Variants in KIAA0319 observed in about 807,000 individuals in gnomAD.
The protein encoded by KIAA0319 is dyslexia-associated protein KIAA0319.
KIAA0319 carries 83 observed loss-of-function variants against 108.4 expected under a neutral mutation model. That is an observed-to-expected ratio of 0.77 (90% CI 0.64 to 0.92). KIAA0319 has a LOEUF of 0.92. Ranked by LOEUF, KIAA0319 falls within the 40% of genes least tolerant of loss-of-function variation. KIAA0319 has a pLI of 0.00. For synonymous variants in KIAA0319, 484 were observed against 510.4 expected (o/e 0.95, Z 0.70); for missense variants, 1,195 against 1,322.4 (o/e 0.90, Z 1.49).
intron 10 of KIAA0319, among the ~76,000 whole-genome samples, 181 bp from the exon 11 acceptor site, chr6:24,572,879 G>A (rs557218987): frequency 6.6e-6 from 1 of 152,306 alleles, no homozygotes; most frequent in South Asian, 2.1e-4. Context: ...ACTTTAGGAG[G>A]CCAAGGCAGG....
At chr6:24,633,047 C>T (rs920680533) in intron 1 of KIAA0319, among the ~76,000 whole-genome samples, 34 of 152,136 alleles carry the variant, frequency 2.2e-4, no homozygotes, top group African/African-American at 8.0e-4. Flanking sequence ...TATTCCAAAC[C>T]CTCCTTTTTC....
chr6:24,602,020 C>CTTT (rs1216820751), intron 1 of KIAA0319, among the ~76,000 whole-genome samples: 1 of 142,294 alleles, frequency 7.0e-6, no homozygotes, highest in African/African-American at 2.6e-5. Flanking sequence ...TACTGTATTT[C>CTTT]TTTTTTTTTT....
At chr6:24,595,208 T>A (rs1238449942) in intron 3 of KIAA0319, among the ~76,000 whole-genome samples, 1 of 152,146 alleles carries the variant, frequency 6.6e-6, no homozygotes, top group Non-Finnish European at 1.5e-5. Context: ...CCTGGGTGTA[T>A]GTGCTGGCCC....
At chr6:24,551,946 G>GA (rs1375994631) in intron 19 of KIAA0319, among the ~76,000 whole-genome samples, 6 of 151,380 alleles carry the variant, frequency 4.0e-5, no homozygotes, top group Non-Finnish European at 8.8e-5. Flanking sequence ...CTAGCAATCA[G>GA]AAAAAAATAG....
At position 24,596,627 on chromosome 6, in the gene KIAA0319, A is replaced by G. The variant is rs762855800; in HGVS notation, c.56-9T>C. ...CTGCTTACGGGCACAACCTTTAAAC[A>G]AAGTAGTTTCTAATGAGGGAGAGAG... On this transcript the variant is annotated splice_polypyrimidine_tract_variant and intron_variant, in intron 2 of 20. Coordinates refer to ENST00000378214, the MANE Select transcript of KIAA0319 (RefSeq NM_014809.4). 11 of 1,584,186 alleles carry G rather than the reference A, an allele frequency of 6.9e-6. No individual in the cohort carries two copies. Among genetic ancestry groups the G allele is most frequent in the Non-Finnish European group, 9.5e-6 (11 of 1,161,346 alleles).
intron 1 of KIAA0319, among the ~76,000 whole-genome samples, chr6:24,638,203 C>G (rs1330695762): frequency 6.6e-6 from 1 of 151,918 alleles, no homozygotes; most frequent in Admixed American, 6.5e-5. Context: ...GGAGAGGAGA[C>G]AAAAATCATA....
In KIAA0319 at chr6:24,553,270, GATAGATAT is replaced by G. The variant is rs1235321311; in HGVS notation, c.2948+1263_2948+1270del. Among the ~76,000 whole-genome samples, 23 of 106,012 alleles carry G rather than the reference GATAGATAT, an allele frequency of 2.2e-4. 1 individual carries two copies. Among genetic ancestry groups the G allele is most frequent in the African/African-American group, 9.4e-4 (20 of 21,374 alleles). 69.5% of individuals were successfully genotyped at this position (106,012 alleles called of 152,430 possible). A position where few individuals can be genotyped will look rare whatever the true frequency, so the allele number is the denominator to read the frequency against. On this transcript the variant is annotated intron_variant, in intron 19 of 20. Coordinates refer to ENST00000378214, the MANE Select transcript of KIAA0319 (RefSeq NM_014809.4). ...TGTAAGGCCACTTAGGTACTTGTGA[GATAGATAT>G]ATATATATATATATATACACACACA...
At position 24,617,708 on chromosome 6, in the gene KIAA0319, G is replaced by A. The variant is rs558662862; in HGVS notation, c.-105-16500C>T. ...AACCCTAAAGAAGTAGAACCTTGGC[G>A]GGGCGTGGTGGCTCATGCCTATAAT... On this transcript the variant is annotated intron_variant, in intron 1 of 20. Coordinates refer to ENST00000378214, the MANE Select transcript of KIAA0319 (RefSeq NM_014809.4). Among the ~76,000 whole-genome samples, 8 of 152,186 alleles carry A rather than the reference G, an allele frequency of 5.3e-5. No homozygotes were observed. In the East Asian group the frequency reaches 7.7e-4, roughly 15 times the overall value.
chr6:24,576,951 A>G (rs1322268232), intron 9 of KIAA0319, among the ~76,000 whole-genome samples: 1 of 152,106 alleles, frequency 6.6e-6, no homozygotes, highest in Non-Finnish European at 1.5e-5. Flanking sequence ...AAAAAGAAAA[A>G]AAGTAGACAA....
At chr6:24,585,846 T>C (rs1767399459) in intron 4 of KIAA0319, among the ~76,000 whole-genome samples, 1 of 152,106 alleles carries the variant, frequency 6.6e-6, no homozygotes, top group Admixed American at 6.5e-5. Flanking sequence ...CCCAGTACTT[T>C]GGGAGGCTGA....
intron 19 of KIAA0319, among the ~76,000 whole-genome samples, chr6:24,551,943 T>A (rs1761572851): frequency 1.3e-5 from 2 of 151,688 alleles, no homozygotes; most frequent in East Asian, 3.9e-4. Context: ...GAACTAGCAA[T>A]CAGAAAAAAA....
At chr6:24,629,347 C>G (rs528348043) in intron 1 of KIAA0319, among the ~76,000 whole-genome samples, 2 of 151,898 alleles carry the variant, frequency 1.3e-5, no homozygotes, top group Admixed American at 6.5e-5. Flanking sequence ...AACCCCATCT[C>G]TACTAAAAAT....
At chr6:24,570,165 G>T in intron 11 of KIAA0319, 130 bp from the exon 12 acceptor site, 3 of 829,014 alleles carry the variant, frequency 3.6e-6, no homozygotes, top group Non-Finnish European at 3.8e-6. Context: ...GCATCCTTTG[G>T]AATCCTGGAG....
At chr6:24,581,334 T>C (rs1038771250) in intron 6 of KIAA0319, among the ~76,000 whole-genome samples, 5 of 152,170 alleles carry the variant, frequency 3.3e-5, no homozygotes, top group Admixed American at 1.3e-4. Flanking sequence ...CTCTGGTGCA[T>C]TGGTTGCCGG....
chr6:24,574,082 TC>T (rs1765127812), intron 10 of KIAA0319, among the ~76,000 whole-genome samples: 1 of 152,038 alleles, frequency 6.6e-6, no homozygotes, highest in African/African-American at 2.4e-5. Context: ...GCCACTGCAC[TC>T]CAGCCTGGGC....
chr6:24,572,262 G>C (rs780314875), intron 11 of KIAA0319, among the ~76,000 whole-genome samples: 3 of 152,200 alleles, frequency 2.0e-5, no homozygotes, highest in African/African-American at 7.2e-5. Context: ...CTACATCTGA[G>C]TGTCAAGCCA....
At chr6:24,541,960 C>T (rs763011178), downstream of KIAA0319, among the ~76,000 whole-genome samples, 16 of 152,082 alleles carry the variant, frequency 1.1e-4, no homozygotes, top group South Asian at 4.1e-4. Context: ...GCCAACATGG[C>T]GAAACTCCGT....
intron 5 of KIAA0319, 70 bp downstream of exon 5, chr6:24,583,534 A>G (rs915364210): frequency 3.5e-5 from 35 of 993,190 alleles, no homozygotes; most frequent in Non-Finnish European, 4.9e-5. Flanking sequence ...CGTTGTAAAT[A>G]GCCTGTAAGG....
intron 14 of KIAA0319, among the ~76,000 whole-genome samples, chr6:24,565,861 A>G (rs1763840528): frequency 6.6e-6 from 1 of 152,142 alleles, no homozygotes; most frequent in Non-Finnish European, 1.5e-5. Context: ...CGTAAATAGC[A>G]ATCCGTGATC....
Sources: allele counts gnomAD v4.1 joint callset (sites outside exome capture counted in the v4.1 genomes callset), GRCh38; gene constraint gnomAD v4.1.1; transcripts MANE v1.5; gene names NCBI Gene and HGNC (gene_info 2026-07-23, HGNC 2026-07-21).